Variants in STK33 observed in about 807,000 individuals in gnomAD.
The protein encoded by STK33 is serine/threonine kinase 33.
In STK33, 52 loss-of-function variants were observed where a neutral mutation model predicts 58.0. The observed-to-expected ratio is 0.90, with a 90% CI of 0.72 to 1.13. The LOEUF is 1.13. STK33 is among the 50% of genes most tolerant of loss of function. The probability of loss-of-function intolerance (pLI) is 0.00; values close to 1 mark genes in which losing one functional copy is unlikely to be tolerated. For synonymous variants in STK33, 215 were observed against 200.1 expected (o/e 1.07, Z -0.63); for missense variants, 630 against 604.2 (o/e 1.04, Z -0.45).
chr11:8,436,718 G>T (rs1944111730), intron 12 of STK33, among the ~76,000 whole-genome samples: 1 of 152,120 alleles, frequency 6.6e-6, no homozygotes, highest in Non-Finnish European at 1.5e-5. Flanking sequence ...TATTTTTTGA[G>T]ATGGAGTCTC....
intron 12 of STK33, among the ~76,000 whole-genome samples, chr11:8,437,726 T>A (rs1044461219): frequency 6.6e-6 from 1 of 152,210 alleles, no homozygotes; most frequent in Non-Finnish European, 1.5e-5. Flanking sequence ...ATAGTAATGA[T>A]GATGATTATG....
intron 14 of STK33, among the ~76,000 whole-genome samples, chr11:8,417,993 C>T (rs909681766): frequency 2.0e-5 from 3 of 152,074 alleles, no homozygotes; most frequent in African/African-American, 7.2e-5. Context: ...TGTTGTACTA[C>T]TGATGTAATA....
At chr11:8,393,457 GT>G (rs1437611406) in intron 15 of STK33, among the ~76,000 whole-genome samples, 1 of 152,214 alleles carries the variant, frequency 6.6e-6, no homozygotes, top group Non-Finnish European at 1.5e-5. Flanking sequence ...AGCAGGGTCT[GT>G]TTTGACGTTA....
At chr11:8,354,649 A>C in the STK33 span, among the ~76,000 whole-genome samples, 1 of 152,336 alleles carries the variant, frequency 6.6e-6, no homozygotes, top group East Asian at 1.9e-4. Flanking sequence ...GCATGAAGAA[A>C]GTCCAGAATG....
chr11:8,494,125 G>A (rs1950862361), intron 1 of STK33, among the ~76,000 whole-genome samples: 1 of 151,848 alleles, frequency 6.6e-6, no homozygotes. Flanking sequence ...AAGAAATGAA[G>A]GGTACTCAAT....
the STK33 span, among the ~76,000 whole-genome samples, chr11:8,371,717 TTCCC>T: frequency 7.1e-6 from 1 of 139,936 alleles, no homozygotes; most frequent in African/African-American, 2.5e-5. Context: ...TTTCATTTAT[TTCCC>T]TCCCTTCTTC....
At chr11:8,471,727 CTCTAATTTAA>C (rs1948799117) in intron 6 of STK33, among the ~76,000 whole-genome samples, 2 of 151,744 alleles carry the variant, frequency 1.3e-5, no homozygotes, top group South Asian at 4.2e-4. Context: ...TTGAAATATC[CTCTAATTTAA>C]AACAGGAAAA....
the STK33 span, among the ~76,000 whole-genome samples, chr11:8,348,397 A>C: frequency 0.02 from 2,993 of 152,296 alleles, 60 homozygotes; most frequent in Admixed American, 0.052. Flanking sequence ...AGGAGAGAGA[A>C]GAATGAGAGC....
the STK33 span, among the ~76,000 whole-genome samples, chr11:8,343,176 T>C: frequency 5.2e-4 from 79 of 152,360 alleles, 1 homozygote; most frequent in South Asian, 7.7e-3. Context: ...GCGTGGGTCA[T>C]GGCCAATGAG....
chr11:8,345,260 A>G, the STK33 span, among the ~76,000 whole-genome samples: 1 of 152,212 alleles, frequency 6.6e-6, no homozygotes, highest in Non-Finnish European at 1.5e-5. Context: ...TAATCTTAAC[A>G]TCACTTAGAA....
chr11:8,427,829 C>T (rs1942956026), intron 14 of STK33, among the ~76,000 whole-genome samples: 1 of 151,968 alleles, frequency 6.6e-6, no homozygotes, highest in Admixed American at 6.6e-5. Flanking sequence ...CAACATCTTC[C>T]CTTATCTCTC....
At chr11:8,367,010 A>C in the STK33 span, among the ~76,000 whole-genome samples, 1 of 152,208 alleles carries the variant, frequency 6.6e-6, no homozygotes, top group Non-Finnish European at 1.5e-5. Flanking sequence ...TTCTTGTGTA[A>C]AAAGAATACA....
intron 1 of STK33, among the ~76,000 whole-genome samples, chr11:8,585,378 C>T (rs1419320182): frequency 6.6e-6 from 1 of 151,068 alleles, no homozygotes; most frequent in Non-Finnish European, 1.5e-5. Context: ...GCGCCCACTA[C>T]TACACCCGGC....
chr11:8,554,317 G>A (rs1295521371), intron 1 of STK33, among the ~76,000 whole-genome samples: 1 of 151,440 alleles, frequency 6.6e-6, no homozygotes, highest in East Asian at 1.9e-4. Context: ...TACTGGGGAG[G>A]CTGAGGCAGG....
intron 10 of STK33, among the ~76,000 whole-genome samples, 157 bp from the exon 11 acceptor site, chr11:8,453,063 C>T (rs1296794632): frequency 2.6e-5 from 4 of 152,112 alleles, no homozygotes; most frequent in Non-Finnish European, 5.9e-5. Flanking sequence ...GCATTTCCTT[C>T]CCCACCCACC....
the STK33 span, among the ~76,000 whole-genome samples, chr11:8,370,932 T>C: frequency 6.6e-6 from 1 of 151,964 alleles, no homozygotes; most frequent in African/African-American, 2.4e-5. Context: ...AGTTTGGAGA[T>C]CATGAAGTGA....
the STK33 span, among the ~76,000 whole-genome samples, chr11:8,350,762 C>A: frequency 6.6e-6 from 1 of 152,080 alleles, no homozygotes; most frequent in African/African-American, 2.4e-5. Flanking sequence ...CTGGTATGTG[C>A]CTGCAGGCAG....
intron 14 of STK33, chr11:8,433,840 C>T (rs1245244075): frequency 6.6e-6 from 1 of 152,124 alleles, no homozygotes; most frequent in Non-Finnish European, 1.5e-5. Context: ...ATCCAAGTCA[C>T]TATTATCTCT....
At chr11:8,591,807 G>A (rs1172971538) in intron 1 of STK33, among the ~76,000 whole-genome samples, 3 of 151,278 alleles carry the variant, frequency 2.0e-5, no homozygotes, top group Non-Finnish European at 2.9e-5. Context: ...GACACAGGAA[G>A]GGAAACATCA....
Sources: allele counts gnomAD v4.1 joint callset (sites outside exome capture counted in the v4.1 genomes callset), GRCh38; gene constraint gnomAD v4.1.1; transcripts MANE v1.5; gene names NCBI Gene and HGNC (gene_info 2026-07-23, HGNC 2026-07-21).